The following RBM23 variants were observed in gnomAD, a reference collection of about 807,000 sequenced individuals.
RBM23 encodes the protein probable RNA-binding protein 23.
In RBM23, 53 loss-of-function variants were observed where a neutral mutation model predicts 56.2. The observed-to-expected ratio is 0.94, with a 90% CI of 0.76 to 1.19. The LOEUF (loss-of-function observed/expected upper bound fraction) is 1.19. RBM23 is among the 50% of genes most tolerant of loss of function. The probability of loss-of-function intolerance (pLI) is 0.00; values close to 1 mark genes in which losing one functional copy is unlikely to be tolerated. For missense variants in RBM23, 642 were observed against 590.3 expected (o/e 1.09, Z -0.91); for synonymous variants, 197 against 198.5 (o/e 0.99, Z 0.06).
At position 22,901,212 on chromosome 14, in the gene RBM23, G is replaced by A. The variant is rs1408605530; in HGVS notation, c.*518C>T. The A allele has an allele frequency of 6.1e-6, 1 of 163,034 alleles. No individual in the cohort carries two copies. Among genetic ancestry groups the A allele is most frequent in the Admixed American group, 5.9e-5 (1 of 16,910 alleles). The allele number at this position is 163,034 out of a possible 1,614,324, so 10.1% of individuals were successfully genotyped here. On this transcript the variant is annotated 3_prime_UTR_variant, in exon 14 of 14. Transcript: ENST00000359890. Reference sequence around the variant, plus strand: ...CAAGCTGCTTCAAGCTAAGGTCTGAGGCTGGCTTCTCAATGCACGTCCATG... The same window carrying A: ...CAAGCTGCTTCAAGCTAAGGTCTGAAGCTGGCTTCTCAATGCACGTCCATG...
chr14:22,897,451 A>G lies in RBM23; in HGVS notation c.*4279T>C, dbSNP rs1478327335. The G allele has an allele frequency of 6.6e-6, 1 of 152,202 alleles. No individual in the cohort carries two copies. The highest frequency in any genetic ancestry group is 2.4e-5 in the African/African-American group (1 of 41,466). The allele number at this position is 152,202 out of a possible 1,614,324, so 9.4% of individuals were successfully genotyped here. Reference sequence around the variant, plus strand: ...GAGGAAAGGAAGAGAGATAGCTGGCAGGTTAGATCACTCCCATGCCTCCTA... The same window carrying G: ...GAGGAAAGGAAGAGAGATAGCTGGCGGGTTAGATCACTCCCATGCCTCCTA... On this transcript the variant is annotated 3_prime_UTR_variant, in exon 14 of 14. Transcript: ENST00000359890.
chr14:22,918,128 C>T (rs965485383), intron 1 of RBM23, among the ~76,000 whole-genome samples: 6 of 152,218 alleles, frequency 3.9e-5, no homozygotes, highest in Admixed American at 1.3e-4. Context: ...GGCGCGGTGG[C>T]TCACGCCTGT....
At chr14:22,904,631 T>C (rs1226268223) in intron 9 of RBM23, among the ~76,000 whole-genome samples, 1 of 151,892 alleles carries the variant, frequency 6.6e-6, no homozygotes, top group Non-Finnish European at 1.5e-5. Flanking sequence ...ACCACCACAT[T>C]GGCTAATTTT....
intron 10 of RBM23, 162 bp from the exon 11 acceptor site, chr14:22,902,544 T>G: frequency 7.4e-7 from 1 of 1,348,116 alleles, no homozygotes; most frequent in Non-Finnish European, 9.6e-7. Context: ...CACCTCAAAA[T>G]GGTTCTCTGA....
chr14:22,916,546 G>A (rs979984522), intron 1 of RBM23, among the ~76,000 whole-genome samples: 1 of 151,356 alleles, frequency 6.6e-6, no homozygotes, highest in Non-Finnish European at 1.5e-5. Flanking sequence ...AAAGTACTAG[G>A]ATTACATCTG....
rs778024871 is a variant in RBM23, at chr14:22,904,999, C to T, written c.740G>A (p.Arg247Gln). 23 of 1,614,068 alleles carry T rather than the reference C, an allele frequency of 1.4e-5. No homozygotes were observed. The East Asian group carries it at 2.4e-4, about 17-fold the overall frequency. Residue 247 changes from arginine (R) to glutamine (Q), a missense_variant, in exon 9 of 14, where the codon CGA becomes CAA. Coordinates refer to ENST00000359890, the MANE Select transcript of RBM23 (RefSeq NM_001077351.2). ...IVQASQAEKNRLAAMANNLQK... is the reference protein window; with the variant it reads ...IVQASQAEKNQLAAMANNLQK... ...CAGGTTGTTGGCCATGGCTGCCAGT[C>T]GGTTTTTCTCTGCCTGGGGAAGGAG... is the stretch of plus-strand genomic sequence containing the variant.
In RBM23 at chr14:22,908,591, G is replaced by A. The variant is rs2041965476; in HGVS notation, c.180-211C>T. The A allele has an allele frequency of 1.9e-5, 9 of 467,090 alleles. No homozygotes were observed. The East Asian group carries it at 2.6e-4, about 14-fold the overall frequency. 28.9% of individuals were successfully genotyped at this position (467,090 alleles called of 1,614,324 possible). A position where few individuals can be genotyped will look rare whatever the true frequency, so the allele number is the denominator to read the frequency against. On this transcript the variant is annotated intron_variant, in intron 3 of 13. Transcript: ENST00000359890. ...ATATTTTTAGTAGAGACAAGGTTTC[G>A]CTATGTTGGCCAGGTTCATCTTGAA...
chr14:22,901,756 G>C (rs767462502), intron 13 of RBM23, 23 bp from the exon 14 acceptor site: 12 of 1,613,768 alleles, frequency 7.4e-6, no homozygotes, highest in African/African-American at 1.3e-5. Context: ...GAGGTAAATG[G>C]GAAGCCAAAG....
chr14:22,902,559 G>C (rs2040749413), intron 10 of RBM23, 177 bp from the exon 11 acceptor site: 6 of 1,327,130 alleles, frequency 4.5e-6, no homozygotes, highest in Non-Finnish European at 4.8e-6. Context: ...CTCTGAAAAG[G>C]ACCTTTTCCA....
chr14:22,905,920 T>C (rs1227329626), intron 5 of RBM23: 3 of 590,924 alleles, frequency 5.1e-6, no homozygotes, highest in Non-Finnish European at 3.0e-6. Context: ...TAGCTCATTT[T>C]TGCATTTTTT....
intron 5 of RBM23, chr14:22,905,901 G>A (rs1025695521): frequency 5.1e-6 from 3 of 593,258 alleles, no homozygotes; most frequent in Admixed American, 3.0e-5. Context: ...AGACACACAT[G>A]ACCATATCTA....
intron 1 of RBM23, among the ~76,000 whole-genome samples, chr14:22,914,197 C>T (rs1050773212): frequency 1.3e-5 from 2 of 151,688 alleles, no homozygotes; most frequent in Non-Finnish European, 2.9e-5. Flanking sequence ...TGGTGGCGCA[C>T]GCCTGTTGTC....
chr14:22,905,627 A>C lies in RBM23; in HGVS notation c.434T>G (p.Phe145Cys). Residue 145 changes from phenylalanine to cysteine, a missense_variant, in exon 6 of 14, where the codon TTC (phenylalanine) becomes TGC (cysteine). Phe to Cys is a radical substitution (Grantham distance 205). Coordinates refer to ENST00000359890, the MANE Select transcript of RBM23 (RefSeq NM_001077351.2). The stretch of plus-strand genomic sequence containing the variant: ...CCACCTGACTGGGCTCTTCTCTCTG[A>C]AATGAGGACTCTTACTGTGTCCATA... ...YRYGHSKSPH[F>C]REKSPVREPV... is the part of the protein sequence containing the mutation. 1.2e-6 allele frequency: 2 copies of C among 1,610,478 alleles called. No homozygotes were observed. Among genetic ancestry groups the C allele is most frequent in the Non-Finnish European group, 1.7e-6 (2 of 1,176,550 alleles).
rs894279590 is a variant in RBM23, at chr14:22,898,262, A to G, written c.*3468T>C. The G allele has an allele frequency of 6.6e-6, 1 of 152,260 alleles. No individual in the cohort carries two copies. Among genetic ancestry groups the G allele is most frequent in the Non-Finnish European group, 1.5e-5 (1 of 68,058 alleles). The allele number at this position is 152,260 out of a possible 1,614,324, so 9.4% of individuals were successfully genotyped here. Reference sequence around the variant, plus strand: ...TCAAGAGCACAGCAGTTTAAAGAACAGGGAGGAAATGCTGCCACCTTAGTG... The same window carrying G: ...TCAAGAGCACAGCAGTTTAAAGAACGGGGAGGAAATGCTGCCACCTTAGTG... On this transcript the variant is annotated 3_prime_UTR_variant, in exon 14 of 14. Coordinates refer to ENST00000359890, the MANE Select transcript of RBM23 (RefSeq NM_001077351.2).
At chr14:22,905,993 T>A in intron 5 of RBM23, 4 of 647,678 alleles carry the variant, frequency 6.2e-6, no homozygotes, top group Non-Finnish European at 1.0e-5. Flanking sequence ...CAAGTGATCT[T>A]CTGGCCTCAG....
Position 22,901,727 on chromosome 14 carries a change from G to A in RBM23, c.*3C>T. The stretch of plus-strand genomic sequence containing the variant: ...CAAGGAGGCAGTATACTGTGCCACT[G>A]ATTTACCTGTGGAAAGAAGAGGTAA... On this transcript the variant is annotated 3_prime_UTR_variant, in exon 14 of 14. Coordinates refer to ENST00000359890, the MANE Select transcript of RBM23 (RefSeq NM_001077351.2). The A allele has an allele frequency of 6.2e-7, 1 of 1,613,238 alleles. No homozygotes were observed. Among genetic ancestry groups the A allele is most frequent in the Non-Finnish European group, 8.5e-7 (1 of 1,179,146 alleles).
intron 1 of RBM23, among the ~76,000 whole-genome samples, chr14:22,914,941 C>A (rs1467115231): frequency 6.7e-6 from 1 of 149,136 alleles, no homozygotes; most frequent in Non-Finnish European, 1.5e-5. Flanking sequence ...CGAGATCACA[C>A]CACTGCACTC....
intron 10 of RBM23, 107 bp downstream of exon 10, chr14:22,904,154 G>T: frequency 6.3e-7 from 1 of 1,591,368 alleles, no homozygotes; most frequent in Non-Finnish European, 8.6e-7. Context: ...CAGGGTTTAT[G>T]GGTCATTTAG....
In RBM23 at chr14:22,895,886, C is replaced by T. The variant is rs975410831; in HGVS notation, c.*5844G>A. ...GGGGCTCATTTTGATTTTTCGAAAC[C>T]ATCTGGTTAAAATCTAACTATGTGG... On this transcript the variant is annotated 3_prime_UTR_variant, in exon 14 of 14. Coordinates refer to ENST00000359890, the MANE Select transcript of RBM23 (RefSeq NM_001077351.2). The T allele has an allele frequency of 6.6e-6, 1 of 152,100 alleles. No individual in the cohort carries two copies. Among genetic ancestry groups the T allele is most frequent in the African/African-American group, 2.4e-5 (1 of 41,412 alleles). 9.4% of individuals were successfully genotyped at this position (152,100 alleles called of 1,614,324 possible). A position where few individuals can be genotyped will look rare whatever the true frequency, so the allele number is the denominator to read the frequency against.
Sources: gnomAD v4.1 joint callset for allele counts (sites outside exome capture counted in the v4.1 genomes callset) on GRCh38, gnomAD v4.1.1 for gene constraint, MANE v1.5 for transcripts, NCBI Gene and HGNC (gene_info 2026-07-23, HGNC 2026-07-21) for gene names.